The following HSD17B3 variants were observed in gnomAD, a reference collection of about 807,000 sequenced individuals.
The protein encoded by HSD17B3 is hydroxysteroid 17-beta dehydrogenase 3, also known as 17-beta-hydroxysteroid dehydrogenase type 3.
HSD17B3 carries 29 observed loss-of-function variants against 41.1 expected under a neutral mutation model. That is an observed-to-expected ratio of 0.71 (90% CI 0.53 to 0.96). The LOEUF is 0.96. Among genes scored for constraint, HSD17B3 ranks in the 40% least tolerant of loss-of-function variants. The pLI is 0.00. For synonymous variants in HSD17B3, 126 were observed against 145.6 expected (o/e 0.87, Z 0.97); for missense variants, 323 against 374.6 (o/e 0.86, Z 1.14).
rs1206563024 is a variant in HSD17B3 at position 96,245,262 on chromosome 9, C to T, written c.606+83G>A. Reference sequence around the variant, plus strand: ...ATCTCCAGGTAAACCTTTCCATCAACTTGCCAGATGATCAAAGGAAATTGC... The same window carrying T: ...ATCTCCAGGTAAACCTTTCCATCAATTTGCCAGATGATCAAAGGAAATTGC... On this transcript the variant is annotated intron_variant, in intron 8 of 10. Coordinates refer to ENST00000375263, the MANE Select transcript of HSD17B3 (RefSeq NM_000197.2). The T allele has an allele frequency of 5.7e-6, 6 of 1,059,588 alleles. No homozygotes were observed. In the Admixed American group the frequency reaches 8.4e-5, roughly 15 times the overall value. The allele number at this position is 1,059,588 out of a possible 1,614,324, so 65.6% of individuals were successfully genotyped here. A position where few individuals can be genotyped will look rare whatever the true frequency, so the allele number is the denominator to read the frequency against.
intron 10 of HSD17B3, among the ~76,000 whole-genome samples, 157 bp from the exon 11 acceptor site, chr9:96,235,727 T>A (rs1836211269): frequency 6.6e-6 from 1 of 152,248 alleles, no homozygotes; most frequent in Non-Finnish European, 1.5e-5. Flanking sequence ...TGACACTTTC[T>A]CAGCTCACAA....
chr9:96,257,941 G>A (rs1825730364), intron 2 of HSD17B3, among the ~76,000 whole-genome samples: 1 of 152,162 alleles, frequency 6.6e-6, no homozygotes. Context: ...CAGGATTACA[G>A]GGGTGAGCCA....
At chr9:96,253,332 G>A (rs1471678571) in intron 3 of HSD17B3, among the ~76,000 whole-genome samples, 5 of 152,082 alleles carry the variant, frequency 3.3e-5, no homozygotes, top group Non-Finnish European at 5.9e-5. Context: ...GCTCAAGTTC[G>A]AGACCCCAGA....
At chr9:96,238,616 C>T (rs1409455646) in intron 10 of HSD17B3, among the ~76,000 whole-genome samples, 2 of 151,808 alleles carry the variant, frequency 1.3e-5, no homozygotes, top group Non-Finnish European at 2.9e-5. Context: ...GAGCCAAGAT[C>T]GCACCACTGC....
In HSD17B3 at chr9:96,243,047, T is replaced by C. The variant is rs182614892; in HGVS notation, c.672+1282A>G. The stretch of plus-strand genomic sequence containing the variant: ...CTAGAACTTCCCACTCCTTTTCCTC[T>C]GGCATGTCGGCTGCTCCGTCAGCCT... On this transcript the variant is annotated intron_variant, in intron 9 of 10. Transcript: ENST00000375263. 1.1e-3 allele frequency among the ~76,000 whole-genome samples: 173 copies of C among 152,340 alleles called. 1 individual carries two copies. The highest frequency in any genetic ancestry group is 3.4e-3 in the Middle Eastern group (1 of 294).
chr9:96,247,384 G>C (rs1176412779), intron 6 of HSD17B3: 3 of 152,590 alleles, frequency 2.0e-5, no homozygotes, highest in Non-Finnish European at 2.9e-5. Context: ...AGACATCAAG[G>C]CACCTGGGGA....
intron 1 of HSD17B3, among the ~76,000 whole-genome samples, chr9:96,299,446 C>T (rs917883529): frequency 1.3e-5 from 2 of 152,164 alleles, no homozygotes; most frequent in African/African-American, 4.8e-5. Context: ...CTTACCTTCC[C>T]CTCCCTGTGG....
intron 2 of HSD17B3, among the ~76,000 whole-genome samples, chr9:96,293,651 CTGTGTGTGTATGTG>C (rs1564063835): frequency 3.3e-5 from 5 of 150,068 alleles, no homozygotes; most frequent in African/African-American, 7.5e-5. Flanking sequence ...GTCTGTGTGT[CTGTGTGTGTATGTG>C]TGTGTGTGTG....
chr9:96,280,359 A>G (rs1247042319), intron 2 of HSD17B3, among the ~76,000 whole-genome samples: 3 of 152,220 alleles, frequency 2.0e-5, no homozygotes, highest in Non-Finnish European at 4.4e-5. Context: ...ACTATTCCAC[A>G]GTATAAATAA....
At chr9:96,248,369 A>G (rs918414335) in intron 6 of HSD17B3, among the ~76,000 whole-genome samples, 38 of 152,062 alleles carry the variant, frequency 2.5e-4, no homozygotes, top group Admixed American at 1.0e-3. Context: ...TTTTTTGTCT[A>G]CTCTGCCTCC....
chr9:96,285,424 AG>A (rs1826880673), intron 2 of HSD17B3, among the ~76,000 whole-genome samples: 1 of 152,174 alleles, frequency 6.6e-6, no homozygotes, highest in Non-Finnish European at 1.5e-5. Context: ...AAGAAATAAG[AG>A]GAATGGGTAA....
At chr9:96,248,895 T>G (rs561324447) in intron 6 of HSD17B3, among the ~76,000 whole-genome samples, 1 of 151,346 alleles carries the variant, frequency 6.6e-6, no homozygotes, top group African/African-American at 2.4e-5. Flanking sequence ...AGACATCTCT[T>G]GATCCACAGC....
intron 2 of HSD17B3, among the ~76,000 whole-genome samples, chr9:96,293,115 A>C (rs1041099324): frequency 6.6e-6 from 1 of 152,262 alleles, no homozygotes; most frequent in Non-Finnish European, 1.5e-5. Flanking sequence ...AGCAACAGGA[A>C]GAGAAAATAC....
At chr9:96,236,386 G>T (rs916197825) in intron 10 of HSD17B3, among the ~76,000 whole-genome samples, 1 of 151,694 alleles carries the variant, frequency 6.6e-6, no homozygotes. Context: ...ACATGGTGGC[G>T]CATGCCTGTA....
intron 10 of HSD17B3, among the ~76,000 whole-genome samples, chr9:96,240,120 C>T (rs557743003): frequency 6.6e-6 from 1 of 152,262 alleles, no homozygotes; most frequent in Admixed American, 6.5e-5. Context: ...ATACCTAGTG[C>T]AAGCAGGGCT....
At chr9:96,281,454 T>C (rs1373716923) in intron 2 of HSD17B3, among the ~76,000 whole-genome samples, 1 of 152,020 alleles carries the variant, frequency 6.6e-6, no homozygotes, top group African/African-American at 2.4e-5. Flanking sequence ...CCCTTCTTAA[T>C]AAAAGGCAAG....
chr9:96,299,476 A>G (rs980801374), intron 1 of HSD17B3, among the ~76,000 whole-genome samples: 2 of 152,174 alleles, frequency 1.3e-5, no homozygotes, highest in South Asian at 2.1e-4. Flanking sequence ...AATTCACCCA[A>G]TACAGGGCCT....
chr9:96,280,425 G>A (rs1023149298), intron 2 of HSD17B3, among the ~76,000 whole-genome samples: 9 of 152,146 alleles, frequency 5.9e-5, no homozygotes, highest in Non-Finnish European at 1.5e-5. Context: ...TTCTAATGAA[G>A]GTCAAGTTAG....
intron 2 of HSD17B3, among the ~76,000 whole-genome samples, chr9:96,277,316 T>A (rs1381642210): frequency 1.3e-5 from 2 of 152,126 alleles, no homozygotes; most frequent in Admixed American, 6.5e-5. Flanking sequence ...CAACTACATG[T>A]CTGATAAAGG....
Sources: allele counts gnomAD v4.1 joint callset (sites outside exome capture counted in the v4.1 genomes callset), GRCh38; gene constraint gnomAD v4.1.1; transcripts MANE v1.5; gene names NCBI Gene and HGNC (gene_info 2026-07-23, HGNC 2026-07-21).